The following GARIN4 variants were observed in gnomAD, a reference collection of about 807,000 sequenced individuals.
GARIN4 encodes Golgi-associated RAB2 interactor protein 4.
At chr1:212,624,876 C>A in the GARIN4 span, 2 of 1,576,026 alleles carry the variant, frequency 1.3e-6, no homozygotes, top group Non-Finnish European at 1.7e-6. Context: ...TGAAAGACAA[C>A]CATGAATGCT....
chr1:212,626,050 G>T, the GARIN4 span: 1 of 1,614,208 alleles, frequency 6.2e-7, no homozygotes, highest in Non-Finnish European at 8.5e-7. Context: ...ATGCAGCAGC[G>T]GGACCTCCCG....
the GARIN4 span, chr1:212,626,244 A>G: frequency 1.9e-6 from 3 of 1,614,232 alleles, no homozygotes; most frequent in Non-Finnish European, 2.5e-6. Flanking sequence ...AAGATTGCCC[A>G]AAAGTCCTCC....
the GARIN4 span, chr1:212,625,219 G>A: frequency 5.6e-6 from 9 of 1,614,004 alleles, no homozygotes; most frequent in Non-Finnish European, 6.8e-6. Flanking sequence ...AGGCAGCAAA[G>A]AACTTAGAGC....
chr1:212,625,708 GGCA>G, the GARIN4 span: 20 of 1,614,026 alleles, frequency 1.2e-5, no homozygotes, highest in African/African-American at 1.1e-4. Context: ...GGATTAAAGA[GGCA>G]GCAGCAGCAG....
the GARIN4 span, chr1:212,625,233 C>G: frequency 1.2e-6 from 2 of 1,614,128 alleles, no homozygotes; most frequent in Non-Finnish European, 1.7e-6. Flanking sequence ...TTAGAGCTCA[C>G]CAGGCTTCTG....
the GARIN4 span, chr1:212,626,719 G>A: frequency 6.2e-5 from 95 of 1,529,150 alleles, no homozygotes; most frequent in African/African-American, 1.2e-3. Context: ...AGTGTCCCTG[G>A]AAAGCCTATT....
chr1:212,626,707 G>T, the GARIN4 span: 18 of 1,535,192 alleles, frequency 1.2e-5, no homozygotes, highest in South Asian at 1.7e-4. Context: ...AGAGCTCATG[G>T]GAGTGTCCCT....
the GARIN4 span, chr1:212,626,133 G>C: frequency 6.2e-7 from 1 of 1,614,136 alleles, no homozygotes; most frequent in Non-Finnish European, 8.5e-7. Flanking sequence ...AGCGCTGAAG[G>C]CTGCAAGGAG....
chr1:212,626,548 G>A, the GARIN4 span: 82 of 1,614,146 alleles, frequency 5.1e-5, no homozygotes, highest in Middle Eastern at 3.3e-4. Context: ...CTAAGATGGC[G>A]GAGAGGAGCA....
the GARIN4 span, chr1:212,625,814 G>A: frequency 1.2e-6 from 2 of 1,614,094 alleles, no homozygotes; most frequent in Admixed American, 3.3e-5. Flanking sequence ...CGCAGCCATA[G>A]CTGGGGCGGC....
chr1:212,625,602 A>T, the GARIN4 span: 1 of 1,613,964 alleles, frequency 6.2e-7, no homozygotes, highest in Non-Finnish European at 8.5e-7. Flanking sequence ...GCTGGAGGGG[A>T]GGGACTCCAA....
At chr1:212,624,902 T>C in the GARIN4 span, 1 of 1,604,636 alleles carries the variant, frequency 6.2e-7, no homozygotes, top group Non-Finnish European at 8.5e-7. Flanking sequence ...TCTGCTGCCG[T>C]ATTATACGGC....
the GARIN4 span, chr1:212,625,295 C>T: frequency 2.1e-5 from 34 of 1,614,118 alleles, no homozygotes; most frequent in South Asian, 1.2e-4. Flanking sequence ...ACAACAGCTG[C>T]GCCTGAAGTT....
At chr1:212,625,782 A>G in the GARIN4 span, 2 of 1,614,148 alleles carry the variant, frequency 1.2e-6, no homozygotes. Flanking sequence ...GCAGCAGCCA[A>G]TTCTGCCCCT....
the GARIN4 span, chr1:212,626,039 G>T: frequency 1.9e-6 from 3 of 1,614,258 alleles, no homozygotes; most frequent in South Asian, 3.3e-5. Context: ...AGCAGACATG[G>T]ATGCAGCAGC....
At chr1:212,625,155 C>T in the GARIN4 span, 7 of 1,614,006 alleles carry the variant, frequency 4.3e-6, no homozygotes, top group Non-Finnish European at 5.1e-6. Context: ...CGACCGGCCA[C>T]CGGCTGCGAA....
At chr1:212,625,746 G>C in the GARIN4 span, 9 of 1,613,782 alleles carry the variant, frequency 5.6e-6, no homozygotes, top group South Asian at 1.1e-5. Flanking sequence ...GCAGCAACAG[G>C]CACCGTAGCA....
At chr1:212,624,738 G>C in the GARIN4 span, 1 of 1,414,348 alleles carries the variant, frequency 7.1e-7, no homozygotes, top group Non-Finnish European at 9.2e-7. Flanking sequence ...GGGGGCCTGT[G>C]GGGTGGGGTG....
the GARIN4 span, chr1:212,624,850 A>G: frequency 6.5e-7 from 1 of 1,535,454 alleles, no homozygotes; most frequent in Non-Finnish European, 8.8e-7. Flanking sequence ...CTGCCTCACC[A>G]GTGCTGCCGT....
Sources: gnomAD v4.1 joint callset for allele counts on GRCh38, gnomAD v4.1.1 for gene constraint, MANE v1.5 for transcripts, NCBI Gene and HGNC (gene_info 2026-07-23, HGNC 2026-07-21) for gene names.